Variants in CHST11 observed in about 807,000 individuals in gnomAD.
The protein encoded by CHST11 is carbohydrate sulfotransferase 11, also known as C4S-1.
CHST11 carries 9 observed loss-of-function variants against 30.4 expected under a neutral mutation model. The observed-to-expected ratio is 0.30, with a 90% CI of 0.18 to 0.52. The LOEUF is 0.52. Ranked by LOEUF, CHST11 falls within the 20% of genes least tolerant of loss-of-function variation. The probability of loss-of-function intolerance (pLI) is 0.97; values close to 1 mark genes in which losing one functional copy is unlikely to be tolerated. For synonymous variants in CHST11, 152 were observed against 187.8 expected, an observed-to-expected ratio of 0.81 and a Z score of 1.56; for missense variants, 348 against 460.6, an observed-to-expected ratio of 0.76 and a Z score of 2.24.
chr12:104,571,772 G>C (rs574605045), intron 1 of CHST11, among the ~76,000 whole-genome samples: 2 of 152,330 alleles, frequency 1.3e-5, no homozygotes, highest in East Asian at 3.9e-4. Context: ...TGGTGACAGA[G>C]GGCATCCCTG....
At chr12:104,513,139 T>TGGGGGGGGGGGGGGGGGGGGGGGGGGGG (rs1565969846) in intron 1 of CHST11, among the ~76,000 whole-genome samples, 2 of 2,932 alleles carry the variant, frequency 6.8e-4, no homozygotes, top group African/African-American at 1.5e-3. Flanking sequence ...GGGGGGGGGT[T>TGGGGGGGGGGGGGGGGGGGGGGGGGGGG]GGGGGTGGGG....
At chr12:104,744,114 T>G (rs1335533654) in intron 2 of CHST11, among the ~76,000 whole-genome samples, 1 of 152,240 alleles carries the variant, frequency 6.6e-6, no homozygotes, top group Admixed American at 6.5e-5. Flanking sequence ...CCTTTGGGTA[T>G]ATACCCAGTA....
intron 1 of CHST11, among the ~76,000 whole-genome samples, chr12:104,564,011 G>A (rs1011055587): frequency 6.6e-6 from 1 of 152,094 alleles, no homozygotes; most frequent in Non-Finnish European, 1.5e-5. Context: ...ACAGTTATTT[G>A]AGATCTACGT....
chr12:104,752,279 G>T (rs555649564), intron 2 of CHST11, among the ~76,000 whole-genome samples: 157 of 152,102 alleles, frequency 1.0e-3, no homozygotes, highest in Non-Finnish European at 1.9e-3. Context: ...GTGTCTCTGT[G>T]TCTCTGCTTT....
Position 104,469,495 on chromosome 12 carries a change from A to G in CHST11, c.118+11966A>G, listed in dbSNP as rs116770583. Among the ~76,000 whole-genome samples, 489 of 152,336 alleles carry G rather than the reference A, an allele frequency of 3.2e-3. 1 individual carries two copies. The highest frequency in any genetic ancestry group is 0.011 in the African/African-American group (461 of 41,582). ...AGGATGAAAAGCAGTCATTTCAGAA[A>G]AATAACAGTGGTAGCATGGCAGCCT... On this transcript the variant is annotated intron_variant, in intron 1 of 2. Transcript: ENST00000303694.
intron 2 of CHST11, among the ~76,000 whole-genome samples, chr12:104,739,750 T>A (rs1159775372): frequency 6.6e-6 from 1 of 152,232 alleles, no homozygotes; most frequent in Non-Finnish European, 1.5e-5. Flanking sequence ...TTAAACCTCA[T>A]AAGAGCCAGT....
chr12:104,749,151 A>G (rs769375878), intron 2 of CHST11, among the ~76,000 whole-genome samples: 7 of 152,134 alleles, frequency 4.6e-5, no homozygotes, highest in Non-Finnish European at 8.8e-5. Context: ...GGCATTATTC[A>G]GTCAGCTGAA....
chr12:104,488,226 C>A (rs7963874), intron 1 of CHST11, among the ~76,000 whole-genome samples: 47,551 of 151,878 alleles, frequency 0.31, 7,902 homozygotes, highest in East Asian at 0.5. Flanking sequence ...GTTCAAAGGA[C>A]GGAGAAAGAT....
rs2040519327 is a variant in CHST11 at position 104,760,916 on chromosome 12, A to G, written c.*3113A>G. 6.6e-6 allele frequency: 1 copy of G among 152,210 alleles called. No individual in the cohort carries two copies. The highest frequency in any genetic ancestry group is 2.4e-5 in the African/African-American group (1 of 41,444). The allele number at this position is 152,210 out of a possible 1,614,324, so 9.4% of individuals were successfully genotyped here. On this transcript the variant is annotated 3_prime_UTR_variant, in exon 3 of 3. Transcript: ENST00000303694. ...GAAAGTTTGTGTTTTTTAAAGAGGA[A>G]TATTTGAAACTGCTTTCTATGCATG...
intron 1 of CHST11, among the ~76,000 whole-genome samples, chr12:104,474,619 A>G (rs1377739423): frequency 6.6e-6 from 1 of 152,222 alleles, no homozygotes. Context: ...TTGTCATTGG[A>G]AAGTCACAGC....
chr12:104,497,965 G>T (rs1036122036), intron 1 of CHST11, among the ~76,000 whole-genome samples: 1 of 133,280 alleles, frequency 7.5e-6, no homozygotes, highest in Non-Finnish European at 1.5e-5. Context: ...TGTCACCCAG[G>T]CTGGAGTGCA....
At chr12:104,530,288 T>G (rs76368077) in intron 1 of CHST11, among the ~76,000 whole-genome samples, 6,004 of 152,274 alleles carry the variant, frequency 0.039, 410 homozygotes, top group African/African-American at 0.14. Flanking sequence ...ATAATCATCA[T>G]GATCATCATC....
intron 1 of CHST11, among the ~76,000 whole-genome samples, chr12:104,484,887 GA>G (rs1189460274): frequency 6.6e-6 from 1 of 152,310 alleles, no homozygotes; most frequent in East Asian, 1.9e-4. Context: ...GGGATTGTTG[GA>G]AAAGAGTGGG....
chr12:104,550,218 T>C (rs1460884880), intron 1 of CHST11, among the ~76,000 whole-genome samples: 3 of 152,202 alleles, frequency 2.0e-5, no homozygotes, highest in Non-Finnish European at 2.9e-5. Context: ...TGGTTCTTTG[T>C]TGTCTGATAG....
At chr12:104,682,472 A>G (rs1392810375) in intron 2 of CHST11, among the ~76,000 whole-genome samples, 1 of 152,248 alleles carries the variant, frequency 6.6e-6, no homozygotes, top group African/African-American at 2.4e-5. Flanking sequence ...GTTGTATTTT[A>G]GTTGTGTCCT....
rs199573321 is a variant in CHST11, at chr12:104,635,990, T to C, written c.204+33999T>C. ...GGATGGGCTGCTGGATGCAGTACAA[T>C]TTAATACTATTATAATTAACATTTA... On this transcript the variant is annotated intron_variant, in intron 2 of 2. Transcript: ENST00000303694. 4.6e-5 allele frequency among the ~76,000 whole-genome samples: 7 copies of C among 152,350 alleles called. No homozygotes were observed. In the East Asian group the frequency reaches 1.3e-3, roughly 29 times the overall value.
chr12:104,606,925 C>G lies in CHST11; in HGVS notation c.204+4934C>G, dbSNP rs190882974. Among the ~76,000 whole-genome samples the G allele has an allele frequency of 8.3e-3, 1,261 of 151,986 alleles. 23 individuals carry two copies. The highest frequency in any genetic ancestry group is 0.029 in the African/African-American group (1,196 of 41,432). On this transcript the variant is annotated intron_variant, in intron 2 of 2. Coordinates refer to ENST00000303694, the MANE Select transcript of CHST11 (RefSeq NM_018413.6). The stretch of plus-strand genomic sequence containing the variant: ...TCTACCAAAAATACAAAAATTCGCC[C>G]GGCATGGTGGCTCGTGCCTGTAATC...
chr12:104,531,809 C>T (rs1038276875), intron 1 of CHST11, among the ~76,000 whole-genome samples: 1 of 152,244 alleles, frequency 6.6e-6, no homozygotes, highest in Non-Finnish European at 1.5e-5. Flanking sequence ...CACATAGTAC[C>T]TTCTTCCCAT....
At chr12:104,537,320 C>T (rs2038246088) in intron 1 of CHST11, among the ~76,000 whole-genome samples, 1 of 152,138 alleles carries the variant, frequency 6.6e-6, no homozygotes, top group African/African-American at 2.4e-5. Flanking sequence ...AACAGCTGAC[C>T]AGGCAGGTGC....
Sources: allele counts gnomAD v4.1 joint callset (sites outside exome capture counted in the v4.1 genomes callset), GRCh38; gene constraint gnomAD v4.1.1; transcripts MANE v1.5; gene names NCBI Gene and HGNC (gene_info 2026-07-23, HGNC 2026-07-21).